The following TRHDE variants were observed in gnomAD, a reference collection of about 807,000 sequenced individuals.
The protein encoded by TRHDE is thyrotropin releasing hormone degrading enzyme.
In TRHDE, 72 loss-of-function variants were observed where a neutral mutation model predicts 125.7. The observed-to-expected ratio is 0.57, with a 90% CI of 0.47 to 0.70. The LOEUF (loss-of-function observed/expected upper bound fraction) is 0.70. Among genes scored for constraint, TRHDE ranks in the 30% least tolerant of loss-of-function variants. TRHDE has a pLI of 0.00. For missense variants in TRHDE, 1,110 were observed against 1,327.1 expected (o/e 0.84, Z 2.54); for synonymous variants, 509 against 509.1 (o/e 1.00, Z 0.00).
At chr12:72,386,689 G>A (rs562458687) in intron 3 of TRHDE, among the ~76,000 whole-genome samples, 115 of 152,136 alleles carry the variant, frequency 7.6e-4, no homozygotes, top group Non-Finnish European at 1.3e-3. Context: ...TCTTTTGAAT[G>A]CATTTTACAT....
At chr12:72,554,892 A>G (rs913856189) in intron 7 of TRHDE, among the ~76,000 whole-genome samples, 1 of 152,174 alleles carries the variant, frequency 6.6e-6, no homozygotes, top group Non-Finnish European at 1.5e-5. Context: ...CCTACAGTGG[A>G]AATATTGTAA....
intron 7 of TRHDE, among the ~76,000 whole-genome samples, chr12:72,545,081 G>A (rs1869350026): frequency 6.6e-6 from 1 of 151,432 alleles, no homozygotes; most frequent in African/African-American, 2.4e-5. Context: ...ATTTGTTGGT[G>A]ATACCACCAG....
intron 15 of TRHDE, among the ~76,000 whole-genome samples, chr12:72,644,156 A>G (rs1024406273): frequency 2.6e-5 from 4 of 152,206 alleles, no homozygotes; most frequent in African/African-American, 9.7e-5. Context: ...TTCCTGTATC[A>G]TTAGTGAGTG....
intron 15 of TRHDE, among the ~76,000 whole-genome samples, chr12:72,629,696 G>T (rs1873400730): frequency 6.6e-6 from 1 of 151,710 alleles, no homozygotes; most frequent in Non-Finnish European, 1.5e-5. Context: ...CAGTGAGTAT[G>T]TTATACTGAC....
chr12:72,406,417 G>T (rs1009657969), intron 3 of TRHDE, among the ~76,000 whole-genome samples: 1 of 152,100 alleles, frequency 6.6e-6, no homozygotes, highest in African/African-American at 2.4e-5. Context: ...CAAGATACTT[G>T]GGCTTTTCTT....
intron 3 of TRHDE, among the ~76,000 whole-genome samples, chr12:72,466,706 T>G (rs1876391931): frequency 6.6e-6 from 1 of 152,172 alleles, no homozygotes; most frequent in Admixed American, 6.5e-5. Context: ...TTGCATTTGT[T>G]GTCGTCTCTT....
chr12:72,212,063 G>A (rs188618288), intron 2 of TRHDE, among the ~76,000 whole-genome samples: 1 of 152,028 alleles, frequency 6.6e-6, no homozygotes. Flanking sequence ...CAGAAAATAG[G>A]GTTTGGAAGC....
chr12:72,238,275 A>AATATATATAT (rs71071820), intron 2 of TRHDE, among the ~76,000 whole-genome samples: 2 of 38,228 alleles, frequency 5.2e-5, no homozygotes, highest in East Asian at 8.6e-4. Context: ...TCAGATCCTT[A>AATATATATAT]ATATATATAT....
At chr12:72,132,355 G>A (rs1274530570) in intron 2 of TRHDE, among the ~76,000 whole-genome samples, 1 of 152,172 alleles carries the variant, frequency 6.6e-6, no homozygotes, top group Non-Finnish European at 1.5e-5. Context: ...AGAAACACTG[G>A]CATTCTCATT....
chr12:72,277,741 T>C (rs2139414972), intron 1 of TRHDE, among the ~76,000 whole-genome samples: 1 of 152,236 alleles, frequency 6.6e-6, no homozygotes, highest in Middle Eastern at 3.4e-3. Context: ...ATCTATGCAA[T>C]TGGTGTTTGT....
intron 3 of TRHDE, among the ~76,000 whole-genome samples, chr12:72,453,024 G>T (rs777204331): frequency 6.6e-6 from 1 of 152,186 alleles, no homozygotes. Context: ...AAGCAGTGGG[G>T]CATTGCTATA....
At chr12:72,442,331 T>G (rs1302637494) in intron 3 of TRHDE, among the ~76,000 whole-genome samples, 3 of 151,874 alleles carry the variant, frequency 2.0e-5, no homozygotes. Context: ...TGGGCAAGTC[T>G]CACTTATCTA....
At chr12:72,096,175 T>C (rs1025168027) in intron 1 of TRHDE, among the ~76,000 whole-genome samples, 1 of 103,160 alleles carries the variant, frequency 9.7e-6, no homozygotes. Context: ...ACATATCCTA[T>C]TGGTTGTATT....
intron 4 of TRHDE, 59 bp downstream of exon 4, chr12:72,469,971 A>G: frequency 4.5e-6 from 7 of 1,543,548 alleles, no homozygotes; most frequent in Non-Finnish European, 6.2e-6. Flanking sequence ...ATGATTTTGA[A>G]TACCTACATT....
At chr12:72,249,915 G>T (rs1243503658) in intron 2 of TRHDE, among the ~76,000 whole-genome samples, 2 of 151,956 alleles carry the variant, frequency 1.3e-5, no homozygotes, top group Admixed American at 1.3e-4. Context: ...ACAGGTAAAT[G>T]AATAAACAAA....
At chr12:72,655,462 T>C (rs1409639639) in intron 17 of TRHDE, among the ~76,000 whole-genome samples, 1 of 152,162 alleles carries the variant, frequency 6.6e-6, no homozygotes, top group Non-Finnish European at 1.5e-5. Flanking sequence ...GTTCATCTTC[T>C]GCCTAAAATT....
rs11179140 is a variant in TRHDE, at chr12:72,277,240, C to T, written c.914+3683C>T. 7.3e-4 allele frequency among the ~76,000 whole-genome samples: 111 copies of T among 152,174 alleles called. 2 individuals carry two copies. The East Asian group carries it at 0.02, about 28-fold the overall frequency. ...GTTCTCAAAGAGAATTGGGACCATC[C>T]TTTTGCAAAAATCTTGGGGAGAGAA... On this transcript the variant is annotated intron_variant, in intron 1 of 18. Transcript: ENST00000261180.
At chr12:72,519,883 G>A (rs1397464876) in intron 6 of TRHDE, among the ~76,000 whole-genome samples, 1 of 152,156 alleles carries the variant, frequency 6.6e-6, no homozygotes, top group Non-Finnish European at 1.5e-5. Flanking sequence ...TCAGCTGCAG[G>A]TCTGTTGGAG....
chr12:72,504,061 A>T (rs1388438368), intron 6 of TRHDE, among the ~76,000 whole-genome samples: 2 of 152,204 alleles, frequency 1.3e-5, no homozygotes, highest in Non-Finnish European at 2.9e-5. Flanking sequence ...ATGCCACCTC[A>T]GAATCTAAGG....
Sources: gnomAD v4.1 joint callset for allele counts (sites outside exome capture counted in the v4.1 genomes callset) on GRCh38, gnomAD v4.1.1 for gene constraint, MANE v1.5 for transcripts, NCBI Gene and HGNC (gene_info 2026-07-23, HGNC 2026-07-21) for gene names.